NAV1: variants seen among roughly 807,000 people sequenced by gnomAD.
NAV1 encodes neuron navigator 1.
In NAV1, 18 loss-of-function variants were observed where a neutral mutation model predicts 175.2. The observed-to-expected ratio is 0.10, with a 90% CI of 0.07 to 0.15. The LOEUF is 0.15. NAV1 is among the 10% of genes least tolerant of loss of function. The pLI, the probability that NAV1 is intolerant of heterozygous loss-of-function variation, is 1.00. For missense variants in NAV1, 1,731 were observed against 2,436.6 expected (o/e 0.71, Z 6.10); for synonymous variants, 897 against 978.7 (o/e 0.92, Z 1.56).
chr1:201,668,216 C>A (rs1669901127), intron 1 of NAV1, among the ~76,000 whole-genome samples: 1 of 152,110 alleles, frequency 6.6e-6, no homozygotes, highest in African/African-American at 2.4e-5. Context: ...GGATTTCAGC[C>A]CCAGATCTAG....
At chr1:201,671,133 C>G (rs1670030331) in intron 1 of NAV1, among the ~76,000 whole-genome samples, 1 of 152,156 alleles carries the variant, frequency 6.6e-6, no homozygotes, top group Admixed American at 6.5e-5. Context: ...CTTCTTGAGG[C>G]AAACGGTATT....
chr1:201,587,456 G>T (rs1210846971), intron 1 of NAV1, among the ~76,000 whole-genome samples: 2 of 152,038 alleles, frequency 1.3e-5, no homozygotes, highest in African/African-American at 4.8e-5. Context: ...GAGGCCAAGG[G>T]GGGTGGGTTG....
chr1:201,649,680 C>A (rs1476482253), intron 1 of NAV1, among the ~76,000 whole-genome samples: 1 of 152,098 alleles, frequency 6.6e-6, no homozygotes, highest in Non-Finnish European at 1.5e-5. Flanking sequence ...CGAGGTGAGG[C>A]TGGACAATGG....
chr1:201,611,954 T>G (rs1167587950), intron 2 of NAV1, among the ~76,000 whole-genome samples: 1 of 146,596 alleles, frequency 6.8e-6, no homozygotes, highest in African/African-American at 2.7e-5. Flanking sequence ...ATGTGTGCGG[T>G]GCGAGTGTGT....
chr1:201,676,373 C>G (rs1313014590), intron 1 of NAV1, among the ~76,000 whole-genome samples: 1 of 152,212 alleles, frequency 6.6e-6, no homozygotes, highest in South Asian at 2.1e-4. Context: ...CTCTCCCTTT[C>G]TCCTTCCCAA....
chr1:201,779,746 G>T (rs1463517964), intron 3 of NAV1, among the ~76,000 whole-genome samples: 1 of 152,106 alleles, frequency 6.6e-6, no homozygotes, highest in African/African-American at 2.4e-5. Context: ...TTTAACAGCA[G>T]TATCTCCCTA....
chr1:201,617,231 T>A (rs566192842), intron 2 of NAV1, among the ~76,000 whole-genome samples: 8,112 of 151,760 alleles, frequency 0.053, 246 homozygotes, highest in Middle Eastern at 0.068. Context: ...TCTCTCTCTC[T>A]CTCTCTCTCT....
chr1:201,755,539 A>G (rs1227808005), intron 3 of NAV1, among the ~76,000 whole-genome samples: 4 of 152,256 alleles, frequency 2.6e-5, no homozygotes, highest in South Asian at 2.1e-4. Context: ...TTGAAAGGGC[A>G]GTAATGATTG....
At chr1:201,615,795 C>T (rs983000569) in intron 2 of NAV1, among the ~76,000 whole-genome samples, 6 of 152,138 alleles carry the variant, frequency 3.9e-5, no homozygotes, top group East Asian at 1.9e-4. Flanking sequence ...ACACATTTTT[C>T]GAGCTGTCTA....
intron 3 of NAV1, among the ~76,000 whole-genome samples, chr1:201,759,871 T>C (rs1473079620): frequency 6.6e-6 from 1 of 152,164 alleles, no homozygotes; most frequent in Non-Finnish European, 1.5e-5. Flanking sequence ...AGTTGAGGGA[T>C]TGAATAAACT....
At chr1:201,595,427 C>G (rs1667323185) in intron 2 of NAV1, among the ~76,000 whole-genome samples, 1 of 152,276 alleles carries the variant, frequency 6.6e-6, no homozygotes, top group Non-Finnish European at 1.5e-5. Context: ...CCAGCTCTCT[C>G]TTTCCCATTC....
chr1:201,628,527 A>AGG (rs1294730995), intron 1 of NAV1, among the ~76,000 whole-genome samples: 2 of 152,130 alleles, frequency 1.3e-5, no homozygotes, highest in African/African-American at 4.8e-5. Context: ...CTGGAGAGAG[A>AGG]GAAAGACAAA....
At chr1:201,739,704 G>C (rs1485805421) in intron 3 of NAV1, 2 of 1,012,402 alleles carry the variant, frequency 2.0e-6, no homozygotes, top group Non-Finnish European at 2.4e-6. Flanking sequence ...CGAGGCCACC[G>C]GAACGGAGGA....
Position 201,788,352 on chromosome 1 carries a change from A to C in NAV1, c.2996-116A>C. 1 of 1,080,770 alleles carries C rather than the reference A, an allele frequency of 9.3e-7. No individual in the cohort carries two copies. The highest frequency in any genetic ancestry group is 1.4e-6 in the Non-Finnish European group (1 of 722,394). The allele number at this position is 1,080,770 out of a possible 1,614,324, so 66.9% of individuals were successfully genotyped here. A position where few individuals can be genotyped will look rare whatever the true frequency, so the allele number is the denominator to read the frequency against. ...CCCCTTCCTCTCCTGCCCTCTCCCC[A>C]TTTGCCTCTCATGCTCCCGGTGCTC... On this transcript the variant is annotated intron_variant, in intron 9 of 29. Coordinates refer to ENST00000367296, the Ensembl canonical transcript of NAV1. This position sits in a 1 kb window ranked among gnomAD's most constrained non-coding sequence, Gnocchi z 5.7.
At chr1:201,563,109 G>C (rs1035880756) in intron 1 of NAV1, among the ~76,000 whole-genome samples, 1 of 152,156 alleles carries the variant, frequency 6.6e-6, no homozygotes, top group Non-Finnish European at 1.5e-5. Flanking sequence ...GGATGTGTGG[G>C]GGAAGCTACA....
At chr1:201,769,636 T>G (rs1227828096) in intron 3 of NAV1, among the ~76,000 whole-genome samples, 1 of 152,186 alleles carries the variant, frequency 6.6e-6, no homozygotes, top group East Asian at 1.9e-4. Context: ...GGAACCTGTT[T>G]CCAGTTTAGA....
chr1:201,817,144 T>A, exon 29 of NAV1: 1 of 1,614,024 alleles, frequency 6.2e-7, no homozygotes, highest in Non-Finnish European at 8.5e-7. Context: ...GGGACACACT[T>A]CCCTGGCCAT....
intron 2 of NAV1, among the ~76,000 whole-genome samples, chr1:201,613,026 G>T (rs2819379): frequency 6.6e-6 from 1 of 152,128 alleles, no homozygotes; most frequent in Non-Finnish European, 1.5e-5. Flanking sequence ...GGGAGGGTAC[G>T]TGTCAGATGT....
intron 15 of NAV1, chr1:201,797,518 G>A (rs1677531641): frequency 1.3e-5 from 2 of 152,220 alleles, no homozygotes; most frequent in Middle Eastern, 3.4e-3. Context: ...GCATTTCCAT[G>A]TGAATTTCAG....
Sources: allele counts gnomAD v4.1 joint callset (sites outside exome capture counted in the v4.1 genomes callset), GRCh38; gene constraint gnomAD v4.1.1; non-coding constraint Gnocchi (gnomAD v3.1); transcripts MANE v1.5; gene names NCBI Gene and HGNC (gene_info 2026-07-23, HGNC 2026-07-21).